Variants in ARNT2 observed in about 807,000 individuals in gnomAD.
ARNT2 encodes ARNT protein 2.
ARNT2 carries 36 observed loss-of-function variants against 91.7 expected under a neutral mutation model. The ratio of observed to expected loss-of-function variants is 0.39; its 90% CI spans 0.30 to 0.52. ARNT2 has a LOEUF of 0.52. Among genes scored for constraint, ARNT2 ranks in the 20% least tolerant of loss-of-function variants. ARNT2 has a pLI of 0.72. For missense variants in ARNT2, 775 were observed against 939.3 expected (o/e 0.83, Z 2.29); for synonymous variants, 365 against 347.1 (o/e 1.05, Z -0.57).
At chr15:80,573,094 G>A (rs994743908) in intron 12 of ARNT2, among the ~76,000 whole-genome samples, 2 of 152,212 alleles carry the variant, frequency 1.3e-5, no homozygotes, top group Non-Finnish European at 2.9e-5. Flanking sequence ...ATAGTTTTCC[G>A]AAAAGGTCGT....
At chr15:80,482,773 A>G (rs939246850) in intron 5 of ARNT2, among the ~76,000 whole-genome samples, 9 of 152,204 alleles carry the variant, frequency 5.9e-5, no homozygotes, top group African/African-American at 2.2e-4. Context: ...ATGCATGAGC[A>G]TCACTTGTGA....
At chr15:80,414,935 T>G (rs1031605037) in intron 1 of ARNT2, among the ~76,000 whole-genome samples, 1 of 152,196 alleles carries the variant, frequency 6.6e-6, no homozygotes, top group African/African-American at 2.4e-5. Flanking sequence ...GTTGGCTACG[T>G]GTGTGTTCCA....
Position 80,513,921 on chromosome 15 carries a change from G to C in ARNT2, c.736G>C (p.Ala246Pro). 6.2e-7 allele frequency: 1 copy of C among 1,613,348 alleles called. No individual in the cohort carries two copies. ...CTTGTCACATCTTAGGTGTGGAAAT[G>C]CTCCTTTGGACCACCTTCCTCTAAA... ...SFICRMRCGNAPLDHLPLNRI... is the reference protein window; with the variant it reads ...SFICRMRCGNPPLDHLPLNRI... Residue 246 changes from alanine (A) to proline (P), a missense_variant, in exon 7 of 19, where the codon GCT becomes CCT. Ala to Pro is a conservative substitution (Grantham distance 27). This residue lies in a region of ARNT2 where 285 missense variants were observed against 327.2 expected (regional missense o/e 0.87). Coordinates refer to ENST00000303329, the MANE Select transcript of ARNT2 (RefSeq NM_014862.4).
rs190701811 is a variant in ARNT2 at position 80,496,862 on chromosome 15, T to C, written c.623-11294T>C. Among the ~76,000 whole-genome samples the C allele has an allele frequency of 2.0e-5, 3 of 152,308 alleles. No homozygotes were observed. The East Asian group carries it at 5.8e-4, about 29-fold the overall frequency. On this transcript the variant is annotated intron_variant, in intron 5 of 18. Coordinates refer to ENST00000303329, the MANE Select transcript of ARNT2 (RefSeq NM_014862.4). Reference sequence around the variant, plus strand: ...GATACATGGAGCATCCATAGGAGCCTGTAAGGAGTTGTAACTGGGCCACTG... The same window carrying C: ...GATACATGGAGCATCCATAGGAGCCCGTAAGGAGTTGTAACTGGGCCACTG...
At chr15:80,522,309 A>G (rs1897560864) in intron 8 of ARNT2, among the ~76,000 whole-genome samples, 1 of 152,218 alleles carries the variant, frequency 6.6e-6, no homozygotes, top group South Asian at 2.1e-4. Flanking sequence ...GCCTAAACTC[A>G]TACAGCTAGT....
chr15:80,456,712 C>CT (rs1896486940), intron 2 of ARNT2, among the ~76,000 whole-genome samples: 1 of 152,150 alleles, frequency 6.6e-6, no homozygotes, highest in African/African-American at 2.4e-5. Flanking sequence ...CCTGTGCCTT[C>CT]TCCAAGTCAC....
chr15:80,529,940 C>T (rs1333271681), intron 8 of ARNT2, among the ~76,000 whole-genome samples: 1 of 152,184 alleles, frequency 6.6e-6, no homozygotes, highest in Non-Finnish European at 1.5e-5. Context: ...TTGTGCCTTG[C>T]GCATAAATAT....
In ARNT2 at chr15:80,482,676, GC is replaced by G. The variant is rs1184358910; in HGVS notation, c.622+7454del. Among the ~76,000 whole-genome samples, 7 of 152,344 alleles carry G rather than the reference GC, an allele frequency of 4.6e-5. No individual in the cohort carries two copies. In the East Asian group the frequency reaches 1.4e-3, roughly 29 times the overall value. On this transcript the variant is annotated intron_variant, in intron 5 of 18. Transcript: ENST00000303329. ...CATATGAGTGGTGAATGGCATCAAA[GC>G]TCTGAGACTGAGGCTCGGATGCAGG...
chr15:80,425,423 A>T (rs975595138), intron 1 of ARNT2, among the ~76,000 whole-genome samples: 1 of 152,228 alleles, frequency 6.6e-6, no homozygotes, highest in African/African-American at 2.4e-5. Context: ...TAAAATTCCA[A>T]TTTACTTAAA....
At chr15:80,429,107 T>C (rs897995579) in intron 1 of ARNT2, among the ~76,000 whole-genome samples, 2 of 152,148 alleles carry the variant, frequency 1.3e-5, no homozygotes, top group African/African-American at 4.8e-5. Context: ...ATAAGAAATA[T>C]ATATTTGGTC....
At chr15:80,423,997 C>T (rs749721470) in intron 1 of ARNT2, among the ~76,000 whole-genome samples, 9 of 152,334 alleles carry the variant, frequency 5.9e-5, no homozygotes, top group South Asian at 2.1e-4. Context: ...TAGCTTTCCC[C>T]ACCTTGTGTT....
In ARNT2 at chr15:80,568,128, C is replaced by T. The variant is rs191267361; in HGVS notation, c.1316+4889C>T. ...CCTCTTTATCATCCTTGCTTTTTTT[C>T]CTGTTCCATCAAATATGGAATGAGG... On this transcript the variant is annotated intron_variant, in intron 12 of 18. Coordinates refer to ENST00000303329, the MANE Select transcript of ARNT2 (RefSeq NM_014862.4). Among the ~76,000 whole-genome samples, 618 of 152,208 alleles carry T rather than the reference C, an allele frequency of 4.1e-3. 13 individuals are homozygous for T. The highest frequency in any genetic ancestry group is 0.035 in the Admixed American group (529 of 15,278).
At chr15:80,505,434 T>C (rs1311068734) in intron 5 of ARNT2, among the ~76,000 whole-genome samples, 1 of 152,188 alleles carries the variant, frequency 6.6e-6, no homozygotes, top group Non-Finnish European at 1.5e-5. Context: ...GGAAGTAGAA[T>C]TGATGGAATA....
Position 80,417,480 on chromosome 15 carries a change from C to T in ARNT2, c.31+12934C>T, listed in dbSNP as rs116800504. On this transcript the variant is annotated intron_variant, in intron 1 of 18. Transcript: ENST00000303329. ...GTCTGCAGAAACTTGCCGAATTTTC[C>T]ATTCTGAGAATTCTCCCTCTCCTTC... Among the ~76,000 whole-genome samples the T allele has an allele frequency of 3.3e-3, 501 of 152,204 alleles. 2 individuals carry two copies. Among genetic ancestry groups the T allele is most frequent in the African/African-American group, 0.011 (464 of 41,530 alleles).
intron 8 of ARNT2, among the ~76,000 whole-genome samples, chr15:80,527,832 A>T (rs570432969): frequency 1.3e-5 from 2 of 152,328 alleles, no homozygotes. Context: ...TGAGAACCAC[A>T]TGTAATTCAC....
At chr15:80,474,681 G>A (rs1896774851) in intron 4 of ARNT2, among the ~76,000 whole-genome samples, 1 of 152,090 alleles carries the variant, frequency 6.6e-6, no homozygotes, top group Non-Finnish European at 1.5e-5. Flanking sequence ...TCAATATGTG[G>A]CAAAGCTGTT....
chr15:80,470,109 C>T, intron 3 of ARNT2, 109 bp from the exon 4 acceptor site: 2 of 1,150,478 alleles, frequency 1.7e-6, no homozygotes, highest in Non-Finnish European at 1.2e-6. Flanking sequence ...AGGTGTTAGC[C>T]CCTAGTTCCT....
rs1898797557 is a variant in ARNT2, at chr15:80,581,504, A to G, written c.1918+100A>G. ...GCTGAGCTCCAAGCTCCCAGCTACCAAAACAAGGTCTGGAGGTTTCCAAGC... is the reference window on the plus strand; with the variant it reads ...GCTGAGCTCCAAGCTCCCAGCTACCGAAACAAGGTCTGGAGGTTTCCAAGC... On this transcript the variant is annotated intron_variant, in intron 17 of 18. Coordinates refer to ENST00000303329, the MANE Select transcript of ARNT2 (RefSeq NM_014862.4). 6 of 1,499,432 alleles carry G rather than the reference A, an allele frequency of 4.0e-6. No individual in the cohort carries two copies. In the Admixed American group the frequency reaches 7.1e-5, roughly 18 times the overall value. 92.9% of individuals were successfully genotyped at this position (1,499,432 alleles called of 1,614,324 possible). A position where few individuals can be genotyped will look rare whatever the true frequency, so the allele number is the denominator to read the frequency against.
At chr15:80,516,189 A>G (rs962111237) in intron 8 of ARNT2, among the ~76,000 whole-genome samples, 4 of 152,234 alleles carry the variant, frequency 2.6e-5, no homozygotes, top group Non-Finnish European at 5.9e-5. Flanking sequence ...TATTCTTTAA[A>G]TGTCAATTTG....
Sources: allele counts gnomAD v4.1 joint callset (sites outside exome capture counted in the v4.1 genomes callset), GRCh38; gene constraint gnomAD v4.1.1; regional missense constraint gnomAD v4.1.1; transcripts MANE v1.5; gene names NCBI Gene and HGNC (gene_info 2026-07-23, HGNC 2026-07-21).